Variants in ATR observed in about 807,000 individuals in gnomAD.
ATR encodes serine/threonine-protein kinase ATR.
In ATR, 142 loss-of-function variants were observed where a neutral mutation model predicts 305.3. That is an observed-to-expected ratio of 0.47 (90% CI 0.41 to 0.53). The LOEUF (loss-of-function observed/expected upper bound fraction) is 0.53. Among genes scored for constraint, ATR ranks in the 20% least tolerant of loss-of-function variants. The probability of loss-of-function intolerance (pLI) is 0.00; values close to 1 mark genes in which losing one functional copy is unlikely to be tolerated. For synonymous variants in ATR, 1,050 were observed against 1,068.1 expected, an observed-to-expected ratio of 0.98 and a Z score of 0.33; for missense variants, 2,135 against 3,133.1, an observed-to-expected ratio of 0.68 and a Z score of 7.60.
chr3:142,536,283 G>T (rs1269153743), intron 19 of ATR, 82 bp from the exon 20 acceptor site: 7 of 997,074 alleles, frequency 7.0e-6, no homozygotes, highest in Non-Finnish European at 1.1e-5. Context: ...TGAAACTAAG[G>T]CCAATTTAAT....
In ATR at chr3:142,542,691, T is replaced by C. The variant is rs149008479; in HGVS notation, c.3424A>G (p.Ser1142Gly). 9.0e-4 allele frequency: 1,454 copies of C among 1,613,320 alleles called. No homozygotes were observed. The highest frequency in any genetic ancestry group is 1.1e-3 in the Non-Finnish European group (1,320 of 1,179,570). ...AFFNMQLLSS[S>G]VGIEDKKMAL... ...ATTTTCTTATCTTCAATGCCAACAC[T>C]AGAGCTCAGTAACTGCATGTTAAAA... Residue 1142 changes from serine to glycine, a missense_variant, in exon 17 of 47, where the codon AGT (serine) becomes GGT (glycine). By Grantham distance (56) the Ser-to-Gly change is moderately conservative (BLOSUM62 0). This residue lies in a region of ATR where 530 missense variants were observed against 766.8 expected (regional missense o/e 0.69). Transcript: ENST00000350721.
At chr3:142,515,765 C>A (rs529795376) in intron 24 of ATR, among the ~76,000 whole-genome samples, 2 of 152,124 alleles carry the variant, frequency 1.3e-5, no homozygotes, top group African/African-American at 4.8e-5. Context: ...ATAAGAAAAA[C>A]CTGTTCCTTT....
chr3:142,549,739 C>G, intron 14 of ATR, 66 bp from the exon 15 acceptor site: 6 of 1,452,232 alleles, frequency 4.1e-6, no homozygotes, highest in Non-Finnish European at 5.7e-6. Flanking sequence ...TTCACATAAG[C>G]TATGTGCAAA....
At chr3:142,501,207 C>T (rs1447142076) in intron 30 of ATR, among the ~76,000 whole-genome samples, 1 of 152,018 alleles carries the variant, frequency 6.6e-6, no homozygotes, top group Admixed American at 6.6e-5. Context: ...TCTATGTATC[C>T]CAGACCCAAA....
At chr3:142,493,671 T>C (rs902393436) in intron 34 of ATR, among the ~76,000 whole-genome samples, 1 of 152,100 alleles carries the variant, frequency 6.6e-6, no homozygotes, top group Non-Finnish European at 1.5e-5. Flanking sequence ...AGTTTGATAC[T>C]AGCCTGGGCA....
intron 27 of ATR, among the ~76,000 whole-genome samples, chr3:142,509,219 T>C (rs1302394797): frequency 1.3e-5 from 2 of 152,184 alleles, no homozygotes; most frequent in Non-Finnish European, 2.9e-5. Context: ...GAGGCTGCAG[T>C]GCAGTGGCAA....
chr3:142,470,977 C>G (rs1469721301), intron 36 of ATR, among the ~76,000 whole-genome samples: 1 of 152,114 alleles, frequency 6.6e-6, no homozygotes, highest in Non-Finnish European at 1.5e-5. Flanking sequence ...TTTAAGTGTA[C>G]AGTTCAGTGT....
In ATR at chr3:142,562,573, A is replaced by T; in HGVS notation, c.829T>A (p.Leu277Ile). 1 of 1,614,010 alleles carries T rather than the reference A, an allele frequency of 6.2e-7. No individual in the cohort carries two copies. Among genetic ancestry groups the T allele is most frequent in the Non-Finnish European group, 8.5e-7 (1 of 1,179,966 alleles). Residue 277 changes from leucine to isoleucine, a missense_variant, in exon 4 of 47, where the codon TTA (leucine) becomes ATA (isoleucine). This residue lies in a region of ATR where 744 missense variants were observed against 873.2 expected (regional missense o/e 0.85). Coordinates refer to ENST00000350721, the MANE Select transcript of ATR (RefSeq NM_001184.4). Reference protein sequence around the residue: ...STFFSSFLELLKHLVEMDTDQ... With the variant: ...STFFSSFLELIKHLVEMDTDQ... The stretch of plus-strand genomic sequence containing the variant: ...GTATCCATTTCTACAAGGTGTTTTA[A>T]TAATTCCAAAAATGAGCTGAAAAAA...
At chr3:142,539,295 T>G (rs2108434579) in intron 18 of ATR, among the ~76,000 whole-genome samples, 1 of 152,172 alleles carries the variant, frequency 6.6e-6, no homozygotes, top group East Asian at 1.9e-4. Context: ...ATCACTAATT[T>G]TGAGTCAGAG....
At chr3:142,525,958 C>T (rs983858584) in intron 21 of ATR, among the ~76,000 whole-genome samples, 1 of 152,174 alleles carries the variant, frequency 6.6e-6, no homozygotes, top group Non-Finnish European at 1.5e-5. Flanking sequence ...GGGTAATTTA[C>T]TATAATTCCT....
chr3:142,472,085 T>TTGTGTGTGTGTGTGTGTGTGTG (rs34342996), intron 36 of ATR: 14 of 144,228 alleles, frequency 9.7e-5, no homozygotes, highest in African/African-American at 2.6e-4. Flanking sequence ...TAGTATTCCA[T>TTGTGTGTGTGTGTGTGTGTGTG]TGTGTGTGTG....
At chr3:142,576,837 AAAC>A (rs1329879606) in intron 1 of ATR, among the ~76,000 whole-genome samples, 2 of 152,234 alleles carry the variant, frequency 1.3e-5, no homozygotes, top group Admixed American at 1.3e-4. Flanking sequence ...AATAGCAAAA[AAAC>A]AATAGGACAA....
At chr3:142,566,779 T>G (rs555940712) in intron 2 of ATR, among the ~76,000 whole-genome samples, 6 of 151,728 alleles carry the variant, frequency 4.0e-5, no homozygotes, top group Non-Finnish European at 8.8e-5. Flanking sequence ...AGTCTCACTC[T>G]GTTGCCCAGG....
intron 1 of ATR, among the ~76,000 whole-genome samples, chr3:142,575,468 CAA>C (rs72100236): frequency 0.19 from 23,756 of 121,840 alleles, 1,973 homozygotes; most frequent in Middle Eastern, 0.31. Flanking sequence ...GACTCCGTCT[CAA>C]AAAAAAAAAA....
chr3:142,531,521 T>C (rs1338179576), intron 21 of ATR, among the ~76,000 whole-genome samples: 2 of 152,152 alleles, frequency 1.3e-5, no homozygotes, highest in African/African-American at 2.4e-5. Flanking sequence ...TTTTTTGTCC[T>C]TGAAATAGTT....
intron 13 of ATR, 79 bp downstream of exon 13, chr3:142,553,148 A>G: frequency 6.7e-7 from 1 of 1,497,502 alleles, no homozygotes; most frequent in African/African-American, 1.4e-5. Flanking sequence ...AAAATAAAAC[A>G]TGTATAAATA....
chr3:142,496,571 C>A, intron 33 of ATR, 51 bp from the exon 34 acceptor site: 1 of 1,562,892 alleles, frequency 6.4e-7, no homozygotes, highest in Non-Finnish European at 8.8e-7. Context: ...TAAGTGTACA[C>A]AACAACTTAA....
At chr3:142,469,206 AT>A (rs2071199227) in intron 38 of ATR, 130 bp downstream of exon 38, 2 of 655,230 alleles carry the variant, frequency 3.1e-6, no homozygotes, top group Non-Finnish European at 2.5e-6. Flanking sequence ...CTTTAAAAAA[AT>A]ATTTAAAATT....
In ATR at chr3:142,559,460, G is replaced by GT. The variant is rs747537056; in HGVS notation, c.1542-20dup. ...AGTACGGCTGCAGTAAGTACATTTT[G>GT]TTAAAAACATTGGAATTAAGATGAA... On this transcript the variant is annotated intron_variant, in intron 6 of 46. Coordinates refer to ENST00000350721, the MANE Select transcript of ATR (RefSeq NM_001184.4). The GT allele has an allele frequency of 6.2e-7, 1 of 1,607,744 alleles. No individual in the cohort carries two copies. The highest frequency in any genetic ancestry group is 1.1e-5 in the South Asian group (1 of 90,776).
Sources: gnomAD v4.1 joint callset for allele counts (sites outside exome capture counted in the v4.1 genomes callset) on GRCh38, gnomAD v4.1.1 for gene constraint, gnomAD v4.1.1 regional missense constraint, MANE v1.5 for transcripts, NCBI Gene and HGNC (gene_info 2026-07-23, HGNC 2026-07-21) for gene names.